LRBA: variants seen among roughly 807,000 people sequenced by gnomAD.
The protein encoded by LRBA is lipopolysaccharide-responsive and beige-like anchor protein.
In LRBA, 176 loss-of-function variants were observed where a neutral mutation model predicts 330.0. The observed-to-expected ratio is 0.53, with a 90% confidence interval of 0.47 to 0.60. LRBA has a LOEUF of 0.60. LRBA is among the 20% of genes least tolerant of loss of function. LRBA has a pLI of 0.00. For missense variants in LRBA, 3,259 were observed against 3,444.8 expected (o/e 0.95, Z 1.35); for synonymous variants, 1,230 against 1,193.0 (o/e 1.03, Z -0.64).
chr4:150,509,241 T>A (rs938485913), intron 40 of LRBA, among the ~76,000 whole-genome samples: 1 of 151,760 alleles, frequency 6.6e-6, no homozygotes, highest in Non-Finnish European at 1.5e-5. Context: ...TAAGAAAATT[T>A]AAAAAAAGCT....
chr4:150,907,261 A>G (rs1178068466), intron 11 of LRBA, among the ~76,000 whole-genome samples: 2 of 71,802 alleles, frequency 2.8e-5, no homozygotes, highest in Non-Finnish European at 5.5e-5. Context: ...GGAGGGAGGG[A>G]AGAGAGAAGG....
At chr4:150,511,518 G>A (rs1387578302) in intron 40 of LRBA, among the ~76,000 whole-genome samples, 1 of 152,150 alleles carries the variant, frequency 6.6e-6, no homozygotes, top group East Asian at 1.9e-4. Context: ...ATCTCCCAGT[G>A]TGATGGTCTT....
chr4:150,708,039 T>C (rs905632907), intron 36 of LRBA, among the ~76,000 whole-genome samples: 1 of 151,820 alleles, frequency 6.6e-6, no homozygotes, highest in African/African-American at 2.4e-5. Flanking sequence ...GCAGCCTATT[T>C]CATACTTAAT....
intron 2 of LRBA, among the ~76,000 whole-genome samples, chr4:150,978,065 T>C (rs1226857509): frequency 2.0e-5 from 3 of 152,114 alleles, no homozygotes; most frequent in African/African-American, 4.8e-5. Flanking sequence ...GTAGTGGTTA[T>C]AGCAGGCCTT....
chr4:150,453,945 G>A (rs772149356), intron 44 of LRBA, among the ~76,000 whole-genome samples: 6 of 151,806 alleles, frequency 4.0e-5, no homozygotes, highest in South Asian at 2.1e-4. Context: ...TGAATGTTTC[G>A]ATCAAAACGA....
chr4:150,768,341 A>C lies in LRBA; in HGVS notation c.5581-6494T>G, dbSNP rs536886143. ...TCCAGAAAAGCTAGGAATTGAAGGC[A>C]CTGAGTACATACGAAGGTGGCTGAG... On this transcript the variant is annotated intron_variant, in intron 34 of 56. Coordinates refer to ENST00000651943, the MANE Select transcript of LRBA (RefSeq NM_001364905.1). Among the ~76,000 whole-genome samples, 9 of 152,266 alleles carry C rather than the reference A, an allele frequency of 5.9e-5. No homozygotes were observed. In the South Asian group the frequency reaches 1.9e-3, roughly 32 times the overall value.
intron 31 of LRBA, among the ~76,000 whole-genome samples, chr4:150,810,424 G>A (rs939293014): frequency 2.5e-5 from 1 of 40,336 alleles, no homozygotes. Flanking sequence ...AATCAAAGTT[G>A]ACTTTCCTTT....
At chr4:150,693,236 A>G (rs147581521) in intron 36 of LRBA, among the ~76,000 whole-genome samples, 84 of 152,332 alleles carry the variant, frequency 5.5e-4, no homozygotes, top group African/African-American at 1.8e-3. Context: ...AGAATAAAAT[A>G]CATGTTTTAT....
intron 37 of LRBA, among the ~76,000 whole-genome samples, chr4:150,661,832 A>G (rs563911418): frequency 2.6e-4 from 40 of 152,130 alleles, no homozygotes; most frequent in East Asian, 9.7e-4. Context: ...CACGTTGGCC[A>G]GGCTGGTCTC....
At chr4:150,648,258 A>G (rs2126757103) in intron 37 of LRBA, among the ~76,000 whole-genome samples, 1 of 151,450 alleles carries the variant, frequency 6.6e-6, no homozygotes, top group Non-Finnish European at 1.5e-5. Flanking sequence ...CAAATATCAT[A>G]AATAAACAAA....
chr4:150,853,882 GTGTT>G (rs1312084320), intron 22 of LRBA, among the ~76,000 whole-genome samples: 2 of 152,052 alleles, frequency 1.3e-5, no homozygotes, highest in African/African-American at 2.4e-5. Context: ...AATCCCAAAA[GTGTT>G]TGTTTCTGTA....
intron 2 of LRBA, among the ~76,000 whole-genome samples, chr4:150,939,013 T>C (rs969356580): frequency 2.0e-5 from 3 of 152,198 alleles, no homozygotes; most frequent in Non-Finnish European, 4.4e-5. Context: ...ACCAAAAGTG[T>C]CTTTTTTGAC....
chr4:150,860,506 C>G (rs1390045388), intron 22 of LRBA, among the ~76,000 whole-genome samples: 2 of 152,114 alleles, frequency 1.3e-5, no homozygotes, highest in African/African-American at 4.8e-5. Context: ...ATTTTAAGAT[C>G]TGTTTAAAGC....
intron 42 of LRBA, among the ~76,000 whole-genome samples, chr4:150,482,523 A>G (rs1025835222): frequency 6.6e-6 from 1 of 152,046 alleles, no homozygotes; most frequent in African/African-American, 2.4e-5. Flanking sequence ...GCATGAACAT[A>G]TATTTTCATT....
rs577060389 is a variant in LRBA at position 150,786,060 on chromosome 4, G to C, written c.5580+12021C>G. Reference sequence around the variant, plus strand: ...AGAAATGGCTAATCTATGAGACCTCGTCTAGCTCCACCAGGTTAGGAGGAT... The same window carrying C: ...AGAAATGGCTAATCTATGAGACCTCCTCTAGCTCCACCAGGTTAGGAGGAT... On this transcript the variant is annotated intron_variant, in intron 34 of 56. Transcript: ENST00000651943. 6.6e-5 allele frequency among the ~76,000 whole-genome samples: 10 copies of C among 152,236 alleles called. No homozygotes were observed. In the East Asian group the frequency reaches 1.5e-3, roughly 24 times the overall value.
At chr4:150,340,852 G>A (rs1735432729) in intron 48 of LRBA, among the ~76,000 whole-genome samples, 1 of 152,162 alleles carries the variant, frequency 6.6e-6, no homozygotes, top group African/African-American at 2.4e-5. Flanking sequence ...AGTGTGACAG[G>A]ACACATCGAT....
chr4:150,839,925 T>G lies in LRBA; in HGVS notation c.4569+4175A>C, dbSNP rs573852219. On this transcript the variant is annotated intron_variant, in intron 28 of 56. Coordinates refer to ENST00000651943, the MANE Select transcript of LRBA (RefSeq NM_001364905.1). ...TGTTTTGTCCACATTGAAAATCTGTTGCCTAGTGTAGACACCTTCATCAAT... is the reference window on the plus strand; with the variant it reads ...TGTTTTGTCCACATTGAAAATCTGTGGCCTAGTGTAGACACCTTCATCAAT... Among the ~76,000 whole-genome samples, 5 of 152,304 alleles carry G rather than the reference T, an allele frequency of 3.3e-5. No individual in the cohort carries two copies. The South Asian group carries it at 8.3e-4, about 25-fold the overall frequency.
chr4:150,424,182 T>A (rs1015733630), intron 46 of LRBA, among the ~76,000 whole-genome samples: 1 of 152,208 alleles, frequency 6.6e-6, no homozygotes, highest in Non-Finnish European at 1.5e-5. Flanking sequence ...ACATATAGTA[T>A]GAAGAACAAC....
chr4:150,488,861 TATAAC>T (rs1469237398), intron 41 of LRBA, among the ~76,000 whole-genome samples: 1 of 138,392 alleles, frequency 7.2e-6, no homozygotes, highest in Non-Finnish European at 1.6e-5. Flanking sequence ...ACTAAGCACC[TATAAC>T]ATATTTAGTA....
Sources: gnomAD v4.1 joint callset for allele counts (sites outside exome capture counted in the v4.1 genomes callset) on GRCh38, gnomAD v4.1.1 for gene constraint, MANE v1.5 for transcripts, NCBI Gene and HGNC (gene_info 2026-07-23, HGNC 2026-07-21) for gene names.